The following INPP4B variants were observed in gnomAD, a reference collection of about 807,000 sequenced individuals.
INPP4B encodes the protein inositol polyphosphate-4-phosphatase type II B.
A neutral mutation model predicts 122.5 loss-of-function variants in INPP4B; 55 were observed. The observed-to-expected ratio is 0.45, with a 90% CI of 0.36 to 0.56. INPP4B has a LOEUF of 0.56. Among genes scored for constraint, INPP4B ranks in the 20% least tolerant of loss-of-function variants. INPP4B has a pLI of 0.00. For synonymous variants in INPP4B, 403 were observed against 388.7 expected, an observed-to-expected ratio of 1.04 and a Z score of -0.43; for missense variants, 1,000 against 1,097.7, an observed-to-expected ratio of 0.91 and a Z score of 1.26.
chr4:142,536,900 G>A (rs545556005), intron 2 of INPP4B, among the ~76,000 whole-genome samples: 56 of 152,152 alleles, frequency 3.7e-4, no homozygotes, highest in Non-Finnish European at 6.5e-4. Flanking sequence ...GGGTTCAAGC[G>A]ATTCTTCTGC....
intron 2 of INPP4B, among the ~76,000 whole-genome samples, chr4:142,601,081 T>G (rs988131073): frequency 2.0e-5 from 3 of 152,106 alleles, no homozygotes; most frequent in Non-Finnish European, 4.4e-5. Context: ...AGAGAGAGAC[T>G]TTTATACAAT....
chr4:142,624,204 T>C (rs1304581919), intron 2 of INPP4B, among the ~76,000 whole-genome samples: 2 of 152,034 alleles, frequency 1.3e-5, no homozygotes, highest in African/African-American at 2.4e-5. Flanking sequence ...AGTGTTCCTA[T>C]TTCTCCACAT....
At chr4:142,136,655 G>A (rs887520621) in intron 18 of INPP4B, among the ~76,000 whole-genome samples, 4 of 152,190 alleles carry the variant, frequency 2.6e-5, no homozygotes, top group Admixed American at 2.6e-4. Context: ...AAAGTGCCTT[G>A]AAGTGGCAGG....
intron 2 of INPP4B, among the ~76,000 whole-genome samples, chr4:142,702,853 G>A (rs1363745749): frequency 6.6e-6 from 1 of 151,434 alleles, no homozygotes; most frequent in Admixed American, 6.6e-5. Flanking sequence ...CATAGCATTA[G>A]TGATTTTGCT....
chr4:142,839,676 T>C (rs900401282), intron 1 of INPP4B, among the ~76,000 whole-genome samples: 5 of 152,198 alleles, frequency 3.3e-5, no homozygotes, highest in African/African-American at 1.2e-4. Flanking sequence ...TTCCAAAAAC[T>C]CCTAAGAGGG....
chr4:142,187,247 G>A (rs1316342012), intron 15 of INPP4B, among the ~76,000 whole-genome samples: 3 of 152,046 alleles, frequency 2.0e-5, no homozygotes, highest in Non-Finnish European at 4.4e-5. Context: ...TTTCTAGAGT[G>A]CCCATGTAAT....
At chr4:142,719,708 T>G (rs1159254739) in intron 2 of INPP4B, among the ~76,000 whole-genome samples, 1 of 152,124 alleles carries the variant, frequency 6.6e-6, no homozygotes, top group Non-Finnish European at 1.5e-5. Flanking sequence ...CTATAATCCA[T>G]GGAAAATATC....
intron 18 of INPP4B, among the ~76,000 whole-genome samples, chr4:142,128,023 C>CT (rs948171755): frequency 3.0e-4 from 45 of 151,904 alleles, no homozygotes; most frequent in Non-Finnish European, 4.9e-4. Flanking sequence ...ATGCTTTAGT[C>CT]TTTTGCTTTA....
chr4:142,517,391 T>C (rs1449648309), intron 2 of INPP4B, among the ~76,000 whole-genome samples: 1 of 152,032 alleles, frequency 6.6e-6, no homozygotes, highest in Non-Finnish European at 1.5e-5. Flanking sequence ...GTGTTGTAAA[T>C]CAGACACTTA....
intron 9 of INPP4B, among the ~76,000 whole-genome samples, chr4:142,290,151 T>C (rs533683256): frequency 9.4e-5 from 14 of 148,998 alleles, no homozygotes; most frequent in African/African-American, 3.2e-4. Context: ...TTCATTTCTA[T>C]ACCACCTGGA....
At chr4:142,285,510 C>G (rs908632683) in intron 9 of INPP4B, among the ~76,000 whole-genome samples, 5 of 151,836 alleles carry the variant, frequency 3.3e-5, no homozygotes, top group Non-Finnish European at 5.9e-5. Flanking sequence ...CTCAGGTATA[C>G]CATGTCTGAG....
chr4:142,689,544 AT>A (rs1040945331), intron 2 of INPP4B, among the ~76,000 whole-genome samples: 1 of 152,210 alleles, frequency 6.6e-6, no homozygotes, highest in African/African-American at 2.4e-5. Context: ...AGAAGTTATG[AT>A]TCTTTTAACA....
chr4:142,067,509 C>T lies in INPP4B; in HGVS notation c.2642+14522G>A, dbSNP rs371349282. On this transcript the variant is annotated intron_variant, in intron 25 of 25. Coordinates refer to ENST00000262992, the MANE Select transcript of INPP4B (RefSeq NM_001101669.3). ...CAAGTTGAGAGAAGAAGGCTTCAGA[C>T]GATCGGTAACAACAAACTTCTCTGA... 6.6e-5 allele frequency among the ~76,000 whole-genome samples: 10 copies of T among 152,118 alleles called. No individual in the cohort carries two copies. The East Asian group carries it at 7.7e-4, about 12-fold the overall frequency.
At chr4:142,422,933 G>A (rs547892412) in intron 5 of INPP4B, among the ~76,000 whole-genome samples, 4 of 152,100 alleles carry the variant, frequency 2.6e-5, no homozygotes, top group African/African-American at 7.2e-5. Context: ...ATTCTTAGCC[G>A]TTGGTTCTCT....
chr4:142,503,008 G>A (rs1823584070), intron 2 of INPP4B, among the ~76,000 whole-genome samples: 1 of 152,030 alleles, frequency 6.6e-6, no homozygotes, highest in Non-Finnish European at 1.5e-5. Context: ...TAAGACATTG[G>A]AATAAAATTT....
chr4:142,559,591 A>G (rs925372732), intron 2 of INPP4B, among the ~76,000 whole-genome samples: 15 of 152,168 alleles, frequency 9.9e-5, no homozygotes, highest in African/African-American at 3.6e-4. Context: ...CAGCAAAATC[A>G]TATGCATAAG....
At chr4:142,090,224 AG>A (rs1778847644) in intron 23 of INPP4B, among the ~76,000 whole-genome samples, 1 of 152,144 alleles carries the variant, frequency 6.6e-6, no homozygotes, top group Non-Finnish European at 1.5e-5. Flanking sequence ...TAGAATACAC[AG>A]GCATGATGTC....
chr4:142,341,887 A>G (rs543486597), intron 7 of INPP4B, among the ~76,000 whole-genome samples: 2 of 152,264 alleles, frequency 1.3e-5, no homozygotes, highest in Admixed American at 6.5e-5. Context: ...AATCTTGCCA[A>G]TAAGGGGAGT....
chr4:142,821,837 C>G (rs1188513691), intron 1 of INPP4B, among the ~76,000 whole-genome samples: 3 of 152,078 alleles, frequency 2.0e-5, no homozygotes, highest in Non-Finnish European at 1.5e-5. Context: ...TAGACACACA[C>G]CAAAAGGAGT....
Sources: allele counts gnomAD v4.1 joint callset (sites outside exome capture counted in the v4.1 genomes callset), GRCh38; gene constraint gnomAD v4.1.1; transcripts MANE v1.5; gene names NCBI Gene and HGNC (gene_info 2026-07-23, HGNC 2026-07-21).